The following RYR2 variants were observed in gnomAD, a reference collection of about 807,000 sequenced individuals.
RYR2 encodes ryanodine receptor 2.
In RYR2, 227 loss-of-function variants were observed where a neutral mutation model predicts 601.1. The observed-to-expected ratio is 0.38, with a 90% CI of 0.34 to 0.42. RYR2 has a LOEUF of 0.42. RYR2 is among the 10% of genes least tolerant of loss of function. RYR2 has a pLI of 1.00. For synonymous variants in RYR2, 2,223 were observed against 2,175.1 expected, an observed-to-expected ratio of 1.02 and a Z score of -0.61; for missense variants, 4,646 against 6,156.5, an observed-to-expected ratio of 0.75 and a Z score of 8.21.
chr1:237,522,231 A>G (rs76772549), intron 24 of RYR2, among the ~76,000 whole-genome samples: 2,039 of 152,256 alleles, frequency 0.013, 15 homozygotes, highest in Middle Eastern at 0.024. Context: ...CCTGGGCCAT[A>G]GCAGAAAAAG....
intron 14 of RYR2, among the ~76,000 whole-genome samples, chr1:237,453,172 C>T (rs2392690): frequency 0.52 from 79,162 of 151,764 alleles, 22,077 homozygotes; most frequent in East Asian, 0.74. Flanking sequence ...TAATTTTCTA[C>T]TGAAAAGTCA....
chr1:237,759,456 A>G (rs532883854), intron 82 of RYR2, among the ~76,000 whole-genome samples: 5 of 152,222 alleles, frequency 3.3e-5, no homozygotes, highest in African/African-American at 1.2e-4. Flanking sequence ...TTTTCTTCCC[A>G]GTTAACTTGC....
At chr1:237,053,254 C>G (rs1374379915) in intron 1 of RYR2, among the ~76,000 whole-genome samples, 1 of 152,228 alleles carries the variant, frequency 6.6e-6, no homozygotes, top group African/African-American at 2.4e-5. Context: ...TCATGATCAG[C>G]TTACACGTCC....
At chr1:237,371,799 A>T (rs1286247239) in intron 6 of RYR2, among the ~76,000 whole-genome samples, 1 of 152,208 alleles carries the variant, frequency 6.6e-6, no homozygotes, top group Non-Finnish European at 1.5e-5. Context: ...TCGCAAGGAC[A>T]AAAAACCAAA....
intron 10 of RYR2, among the ~76,000 whole-genome samples, chr1:237,397,477 T>C (rs976411058): frequency 6.6e-6 from 1 of 152,132 alleles, no homozygotes; most frequent in African/African-American, 2.4e-5. Context: ...ATGGAGGTGA[T>C]ATACATCAGC....
chr1:237,687,775 T>C (rs1449354909), intron 63 of RYR2, among the ~76,000 whole-genome samples: 3 of 152,256 alleles, frequency 2.0e-5, no homozygotes, highest in Non-Finnish European at 4.4e-5. Context: ...AATGGCAGGC[T>C]GTGCCGTATT....
At position 237,832,618 on chromosome 1, in the gene RYR2, C is replaced by T. The variant is rs755308070; in HGVS notation, c.14875C>T (p.Arg4959Trp). 43 of 1,611,612 alleles carry T rather than the reference C, an allele frequency of 2.7e-5. No homozygotes were observed. Among genetic ancestry groups the T allele is most frequent in the Admixed American group, 3.3e-5 (2 of 59,860 alleles). ...WEFFPAGDCF[R>W]KQYEDQLN is the part of the protein sequence containing the mutation. The stretch of plus-strand genomic sequence containing the variant: ...ATTTTTCCCAGCAGGGGATTGCTTC[C>T]GGAAACAGTATGAAGACCAGCTAAA... The change falls in exon 105 of 105, where the codon CGG (arginine) becomes TGG (tryptophan). Residue 4959 changes from arginine (R) to tryptophan (W), a missense_variant. Coordinates refer to ENST00000366574, the MANE Select transcript of RYR2 (RefSeq NM_001035.3).
intron 2 of RYR2, among the ~76,000 whole-genome samples, chr1:237,295,719 TATATGTG>T (rs1166227651): frequency 2.0e-5 from 3 of 152,218 alleles, no homozygotes; most frequent in African/African-American, 7.2e-5. Flanking sequence ...GATCTTTTAA[TATATGTG>T]ATAGCTTTCT....
Position 237,593,648 on chromosome 1 carries a change from T to C in RYR2, c.4436+12T>C, listed in dbSNP as rs1444648901. On this transcript the variant is annotated intron_variant, in intron 33 of 104. Coordinates refer to ENST00000366574, the MANE Select transcript of RYR2 (RefSeq NM_001035.3). ...AAAGTGCATGAAAGGTTAGTTTTCC[T>C]CAATTTTTTGCAAGAATGACATGTG... 1 of 1,613,326 alleles carries C rather than the reference T, an allele frequency of 6.2e-7. No homozygotes were observed. The highest frequency in any genetic ancestry group is 1.1e-5 in the South Asian group (1 of 90,930).
intron 56 of RYR2, 34 bp downstream of exon 56, chr1:237,660,981 T>C (rs181759599): frequency 1.4e-4 from 184 of 1,313,094 alleles, no homozygotes; most frequent in Admixed American, 4.8e-4. Context: ...ATCAACTGTT[T>C]ATGTTATGGA....
At chr1:237,193,253 C>T (rs999629323) in intron 1 of RYR2, among the ~76,000 whole-genome samples, 1 of 150,196 alleles carries the variant, frequency 6.7e-6, no homozygotes, top group African/African-American at 2.4e-5. Flanking sequence ...ATCACGAGGT[C>T]AGGAGATCGA....
intron 1 of RYR2, among the ~76,000 whole-genome samples, chr1:237,213,175 G>A (rs148031489): frequency 1.1e-3 from 172 of 151,126 alleles, no homozygotes; most frequent in African/African-American, 4.1e-3. Flanking sequence ...TTATTTTTTA[G>A]GTTTTTAAAT....
intron 27 of RYR2, among the ~76,000 whole-genome samples, chr1:237,565,513 G>C (rs1169138053): frequency 2.6e-5 from 4 of 152,036 alleles, no homozygotes; most frequent in Non-Finnish European, 5.9e-5. Flanking sequence ...CCAAAGTGTT[G>C]AGACTACAGC....
rs143406779 is a variant in RYR2, at chr1:237,395,418, G to A, written c.773+7235G>A. Among the ~76,000 whole-genome samples, 908 of 152,044 alleles carry A rather than the reference G, an allele frequency of 6.0e-3. 18 individuals carry two copies. The highest frequency in any genetic ancestry group is 3.6e-3 in the Non-Finnish European group (245 of 67,998). ...AAATGGGAATTGCAGGTGAGTAATTGTGGGTGACTGTAACTATTTTTCAGA... is the reference window on the plus strand; with the variant it reads ...AAATGGGAATTGCAGGTGAGTAATTATGGGTGACTGTAACTATTTTTCAGA... On this transcript the variant is annotated intron_variant, in intron 10 of 104. Coordinates refer to ENST00000366574, the MANE Select transcript of RYR2 (RefSeq NM_001035.3).
rs182406236 is a variant in RYR2 at position 237,239,686 on chromosome 1, G to C, written c.49-30811G>C. Among the ~76,000 whole-genome samples, 189 of 152,298 alleles carry C rather than the reference G, an allele frequency of 1.2e-3. 1 individual carries two copies. The highest frequency in any genetic ancestry group is 2.1e-3 in the Non-Finnish European group (140 of 68,016). On this transcript the variant is annotated intron_variant, in intron 1 of 104. Coordinates refer to ENST00000366574, the MANE Select transcript of RYR2 (RefSeq NM_001035.3). ...TTAGAAAAGAAATAATTTGGGGGCTGCTTTTTATTAAAAGGGAAATCTTAC... is the reference window on the plus strand; with the variant it reads ...TTAGAAAAGAAATAATTTGGGGGCTCCTTTTTATTAAAAGGGAAATCTTAC...
At chr1:237,328,382 GA>G (rs1232445555) in intron 2 of RYR2, among the ~76,000 whole-genome samples, 1 of 152,012 alleles carries the variant, frequency 6.6e-6, no homozygotes, top group Non-Finnish European at 1.5e-5. Flanking sequence ...TTCCAGAGTA[GA>G]AGAGAGTCCT....
chr1:237,472,572 C>G (rs1660852061), intron 17 of RYR2, among the ~76,000 whole-genome samples: 1 of 151,638 alleles, frequency 6.6e-6, no homozygotes, highest in East Asian at 1.9e-4. Flanking sequence ...ACATTTTCAG[C>G]TATATTATAG....
intron 17 of RYR2, among the ~76,000 whole-genome samples, chr1:237,473,967 CAT>C (rs1044495636): frequency 6.9e-6 from 1 of 145,970 alleles, no homozygotes; most frequent in Non-Finnish European, 1.6e-5. Context: ...TGTCATGAAT[CAT>C]AGCTCCTGTC....
Position 237,627,825 on chromosome 1 carries a change from T to C in RYR2, c.6185T>C (p.Ile2062Thr), listed in dbSNP as rs750073486. 1.9e-6 allele frequency: 3 copies of C among 1,605,388 alleles called. No individual in the cohort carries two copies. In the Admixed American group the frequency reaches 5.0e-5, roughly 27 times the overall value. Residue 2062 changes from isoleucine to threonine, a missense_variant, in exon 41 of 105, where the codon ATT (isoleucine) becomes ACT (threonine). Physicochemically the swap from Ile to Thr is moderately conservative, Grantham distance 89. Coordinates refer to ENST00000366574, the MANE Select transcript of RYR2 (RefSeq NM_001035.3). ...TTTGCAGCCACTCTGCAGCAGCTGA[T>C]TTCTGAGACCATGGTCCGATGGGCT... Reference protein sequence around the residue: ...SKKSSTLQQLISETMVRWAQE... With the variant: ...SKKSSTLQQLTSETMVRWAQE...
Sources: gnomAD v4.1 joint callset for allele counts (sites outside exome capture counted in the v4.1 genomes callset) on GRCh38, gnomAD v4.1.1 for gene constraint, MANE v1.5 for transcripts, NCBI Gene and HGNC (gene_info 2026-07-23, HGNC 2026-07-21) for gene names.